The following FAT3 variants were observed in gnomAD, a reference collection of about 807,000 sequenced individuals.
FAT3 encodes the protein FAT atypical cadherin 3, also known as protocadherin Fat 3.
In FAT3, 95 loss-of-function variants were observed where a neutral mutation model predicts 310.2. That is an observed-to-expected ratio of 0.31 (90% CI 0.26 to 0.36). FAT3 has a LOEUF of 0.36. Ranked by LOEUF, FAT3 falls within the 10% of genes least tolerant of loss-of-function variation. FAT3 has a pLI of 1.00. For synonymous variants in FAT3, 2,314 were observed against 2,192.9 expected, an observed-to-expected ratio of 1.06 and a Z score of -1.54; for missense variants, 5,408 against 5,715.6, an observed-to-expected ratio of 0.95 and a Z score of 1.74.
At chr11:92,281,187 AT>A (rs1351603416) in intron 1 of FAT3, among the ~76,000 whole-genome samples, 6 of 152,106 alleles carry the variant, frequency 3.9e-5, no homozygotes, top group African/African-American at 1.4e-4. Flanking sequence ...ACACAAACAC[AT>A]GTATATGTCT....
intron 1 of FAT3, among the ~76,000 whole-genome samples, chr11:92,310,917 G>C (rs1947281993): frequency 6.6e-6 from 1 of 151,580 alleles, no homozygotes; most frequent in African/African-American, 2.4e-5. Flanking sequence ...GGTACAACCA[G>C]ATTTTTTTCC....
At chr11:92,367,116 C>G (rs1307026508) in intron 2 of FAT3, 1 of 436,990 alleles carries the variant, frequency 2.3e-6, no homozygotes, top group African/African-American at 2.0e-5. Flanking sequence ...CAGCGTCTCC[C>G]AGTGCCTGCC....
At chr11:92,743,503 G>A (rs1185958585) in intron 4 of FAT3, among the ~76,000 whole-genome samples, 1 of 152,226 alleles carries the variant, frequency 6.6e-6, no homozygotes, top group African/African-American at 2.4e-5. Flanking sequence ...TTAAGAAGTA[G>A]CACTTTAGGG....
chr11:92,474,594 A>G (rs1399508935), intron 2 of FAT3, among the ~76,000 whole-genome samples: 1 of 152,144 alleles, frequency 6.6e-6, no homozygotes, highest in Non-Finnish European at 1.5e-5. Context: ...ACAAGGGACC[A>G]CAGGGAGATG....
chr11:92,847,268 T>C (rs868150200), intron 19 of FAT3, among the ~76,000 whole-genome samples: 26 of 152,338 alleles, frequency 1.7e-4, no homozygotes, highest in South Asian at 6.2e-4. Context: ...TTTGTTTAGA[T>C]ATAAAAATAC....
rs143677061 is a variant in FAT3, at chr11:92,690,780, A to G, written c.3608-6604A>G. Among the ~76,000 whole-genome samples the G allele has an allele frequency of 3.4e-3, 521 of 152,286 alleles. 3 individuals are homozygous for G. Among genetic ancestry groups the G allele is most frequent in the African/African-American group, 0.012 (492 of 41,578 alleles). On this transcript the variant is annotated intron_variant, in intron 3 of 27. Coordinates refer to ENST00000525166, the MANE Select transcript of FAT3 (RefSeq NM_001367949.2). ...AGTGCACAGCCTGATGTCCATATGTAAATACTGCAGGGAATATTTTAATGC... is the reference window on the plus strand; with the variant it reads ...AGTGCACAGCCTGATGTCCATATGTGAATACTGCAGGGAATATTTTAATGC...
intron 3 of FAT3, among the ~76,000 whole-genome samples, chr11:92,650,973 T>C (rs551227904): frequency 9.8e-5 from 15 of 152,356 alleles, no homozygotes; most frequent in African/African-American, 3.4e-4. Context: ...GTAATGCAGC[T>C]TGCTCTCTGG....
chr11:92,308,943 G>A (rs1416809270), intron 1 of FAT3, among the ~76,000 whole-genome samples: 6 of 152,116 alleles, frequency 3.9e-5, no homozygotes, highest in African/African-American at 1.2e-4. Context: ...TCATACCAGG[G>A]AACTAGCCAA....
intron 2 of FAT3, among the ~76,000 whole-genome samples, chr11:92,399,952 T>A (rs2134859486): frequency 6.6e-6 from 1 of 152,328 alleles, no homozygotes; most frequent in East Asian, 1.9e-4. Flanking sequence ...AGTGTTTTTC[T>A]TCCTGCCTGC....
chr11:92,304,595 A>T (rs987947649), intron 1 of FAT3, among the ~76,000 whole-genome samples: 4 of 152,074 alleles, frequency 2.6e-5, no homozygotes, highest in Admixed American at 2.0e-4. Context: ...GTTGTCTGTC[A>T]GTTGTTTGTA....
rs185175979 is a variant in FAT3, at chr11:92,831,034, G to A, written c.9482-588G>A. 3.9e-5 allele frequency among the ~76,000 whole-genome samples: 6 copies of A among 152,098 alleles called. No homozygotes were observed. In the East Asian group the frequency reaches 1.2e-3, roughly 29 times the overall value. On this transcript the variant is annotated intron_variant, in intron 13 of 27. Coordinates refer to ENST00000525166, the MANE Select transcript of FAT3 (RefSeq NM_001367949.2). Reference sequence around the variant, plus strand: ...GACTGGTCTCCCTCCTTCCTCTCTGGCTGCCCTTCCATCTGTTCAGGAGCA... The same window carrying A: ...GACTGGTCTCCCTCCTTCCTCTCTGACTGCCCTTCCATCTGTTCAGGAGCA...
chr11:92,438,460 T>G (rs1950995056), intron 2 of FAT3, among the ~76,000 whole-genome samples: 1 of 152,186 alleles, frequency 6.6e-6, no homozygotes, highest in South Asian at 2.1e-4. Context: ...AGCATTACAT[T>G]TACTATTTTA....
chr11:92,600,181 G>T (rs1939943100), intron 3 of FAT3, among the ~76,000 whole-genome samples: 1 of 152,018 alleles, frequency 6.6e-6, no homozygotes, highest in African/African-American at 2.4e-5. Flanking sequence ...CCTGCTTCTG[G>T]CACTCCCATG....
At chr11:92,229,489 C>CTTTT in intron 1 of FAT3, among the ~76,000 whole-genome samples, 1 of 48,668 alleles carries the variant, frequency 2.1e-5, no homozygotes, top group African/African-American at 8.1e-5. Context: ...TTTGTTTTTT[C>CTTTT]GTGTTTTTTT....
chr11:92,639,286 A>C (rs1591550612), intron 3 of FAT3, among the ~76,000 whole-genome samples: 2 of 152,126 alleles, frequency 1.3e-5, no homozygotes, highest in East Asian at 3.9e-4. Flanking sequence ...AACTACCTTT[A>C]ATGCTGTCTG....
chr11:92,832,745 A>T lies in FAT3; in HGVS notation c.9871+734A>T, dbSNP rs145697259. ...AAGTCATATGTGCACATGTTGGAAA[A>T]TGTTCATGGGGATGAGCCTCCGTGT... On this transcript the variant is annotated intron_variant, in intron 14 of 27. Transcript: ENST00000525166. Among the ~76,000 whole-genome samples the T allele has an allele frequency of 3.0e-3, 453 of 152,232 alleles. 4 individuals carry two copies. Among genetic ancestry groups the T allele is most frequent in the African/African-American group, 9.5e-3 (396 of 41,538 alleles).
intron 1 of FAT3, among the ~76,000 whole-genome samples, chr11:92,326,342 A>G (rs1397982660): frequency 1.3e-5 from 2 of 152,260 alleles, no homozygotes; most frequent in Non-Finnish European, 2.9e-5. Flanking sequence ...ACAATATTGC[A>G]GACTTCAGCC....
At chr11:92,256,265 G>A (rs1434699673) in intron 1 of FAT3, among the ~76,000 whole-genome samples, 2 of 151,658 alleles carry the variant, frequency 1.3e-5, no homozygotes, top group East Asian at 2.0e-4. Flanking sequence ...AGAGAAGATC[G>A]CCCTTAAACG....
intron 3 of FAT3, among the ~76,000 whole-genome samples, chr11:92,576,879 A>G (rs1938511062): frequency 7.0e-6 from 1 of 141,846 alleles, no homozygotes; most frequent in East Asian, 2.1e-4. Flanking sequence ...GTATAATCAC[A>G]TAAGAGAGCT....
Sources: allele counts gnomAD v4.1 joint callset (sites outside exome capture counted in the v4.1 genomes callset), GRCh38; gene constraint gnomAD v4.1.1; transcripts MANE v1.5; gene names NCBI Gene and HGNC (gene_info 2026-07-23, HGNC 2026-07-21).